Variants in PACRG observed in about 807,000 individuals in gnomAD.
PACRG encodes parkin coregulated gene protein.
In PACRG, 29 loss-of-function variants were observed where a neutral mutation model predicts 29.7. The ratio of observed to expected loss-of-function variants is 0.98; its 90% CI spans 0.73 to 1.33. The LOEUF is 1.33. Ranked by LOEUF, PACRG falls within the 40% of genes most tolerant of loss-of-function variation. The pLI is 0.00. For missense variants in PACRG, 279 were observed against 316.2 expected (o/e 0.88, Z 0.89); for synonymous variants, 116 against 118.7 (o/e 0.98, Z 0.15).
chr6:163,172,088 C>G (rs949966505), intron 4 of PACRG, among the ~76,000 whole-genome samples: 1 of 152,232 alleles, frequency 6.6e-6, no homozygotes, highest in Admixed American at 6.5e-5. Context: ...AAATATCTTT[C>G]ACTGTAATCC....
At chr6:163,249,739 T>C (rs1782831100) in intron 4 of PACRG, among the ~76,000 whole-genome samples, 1 of 152,146 alleles carries the variant, frequency 6.6e-6, no homozygotes, top group African/African-American at 2.4e-5. Context: ...GAAGTGTGAG[T>C]TTGCTTGGAT....
At chr6:163,268,174 G>C (rs1448248912) in intron 4 of PACRG, among the ~76,000 whole-genome samples, 1 of 152,110 alleles carries the variant, frequency 6.6e-6, no homozygotes, top group Admixed American at 6.6e-5. Context: ...GCCGAGGCGG[G>C]TGGATCACAA....
intron 1 of PACRG, among the ~76,000 whole-genome samples, chr6:162,742,090 T>C (rs1780645455): frequency 6.6e-6 from 1 of 152,164 alleles, no homozygotes; most frequent in Non-Finnish European, 1.5e-5. Flanking sequence ...TAAGTACCCT[T>C]CTACTCTTTG....
intron 4 of PACRG, among the ~76,000 whole-genome samples, chr6:163,097,371 C>T (rs976082792): frequency 2.6e-5 from 4 of 152,332 alleles, no homozygotes; most frequent in African/African-American, 9.6e-5. Flanking sequence ...CCCATTGTTT[C>T]TGGACCAGTG....
At chr6:163,298,794 C>G (rs1004557633) in intron 4 of PACRG, among the ~76,000 whole-genome samples, 1 of 152,204 alleles carries the variant, frequency 6.6e-6, no homozygotes, top group Non-Finnish European at 1.5e-5. Context: ...TCTCCGGTAA[C>G]AACGCATTCC....
intron 2 of PACRG, among the ~76,000 whole-genome samples, chr6:162,935,890 G>A (rs1798199929): frequency 6.6e-6 from 1 of 152,118 alleles, no homozygotes; most frequent in African/African-American, 2.4e-5. Context: ...ACTACTGGGA[G>A]CAAAATGAAA....
intron 4 of PACRG, among the ~76,000 whole-genome samples, chr6:163,293,072 AT>A (rs1479386817): frequency 1.3e-5 from 2 of 152,280 alleles, no homozygotes; most frequent in African/African-American, 4.8e-5. Flanking sequence ...ACCAGAAAAG[AT>A]TTTTCGTGAC....
At chr6:163,025,217 A>AT (rs1487523064) in intron 2 of PACRG, among the ~76,000 whole-genome samples, 1 of 152,216 alleles carries the variant, frequency 6.6e-6, no homozygotes, top group Non-Finnish European at 1.5e-5. Context: ...TCAACAGAGT[A>AT]TTGGAAGTCC....
chr6:162,930,407 T>C (rs1280344788), intron 2 of PACRG, among the ~76,000 whole-genome samples: 3 of 151,964 alleles, frequency 2.0e-5, no homozygotes, highest in African/African-American at 4.8e-5. Flanking sequence ...GCTTTTGACA[T>C]ATATAATTAT....
intron 2 of PACRG, among the ~76,000 whole-genome samples, chr6:163,004,880 C>T (rs1203290011): frequency 6.6e-6 from 1 of 151,976 alleles, no homozygotes; most frequent in Non-Finnish European, 1.5e-5. Context: ...TCTGATCCTA[C>T]CATTTACTAA....
At chr6:163,277,780 TG>T (rs1202050133) in intron 4 of PACRG, among the ~76,000 whole-genome samples, 7 of 151,918 alleles carry the variant, frequency 4.6e-5, no homozygotes, top group African/African-American at 1.7e-4. Flanking sequence ...AATTGTAAAT[TG>T]TGCTGCTATA....
chr6:162,738,247 T>C (rs571868371), intron 1 of PACRG, among the ~76,000 whole-genome samples: 17 of 152,174 alleles, frequency 1.1e-4, no homozygotes, highest in Non-Finnish European at 2.2e-4. Flanking sequence ...TGCAGAGATA[T>C]AGAGATAATA....
intron 4 of PACRG, among the ~76,000 whole-genome samples, chr6:163,160,287 A>G (rs1252928459): frequency 6.6e-6 from 1 of 152,226 alleles, no homozygotes; most frequent in Non-Finnish European, 1.5e-5. Context: ...TCTCTGAGTA[A>G]TAAAATCCAT....
intron 4 of PACRG, among the ~76,000 whole-genome samples, chr6:163,277,494 T>TATATATACAC (rs535727235): frequency 1.4e-5 from 1 of 73,440 alleles, no homozygotes; most frequent in Non-Finnish European, 2.8e-5. Context: ...TATATATATA[T>TATATATACAC]ACACACATAC....
intron 4 of PACRG, among the ~76,000 whole-genome samples, chr6:163,124,664 A>G (rs1248576339): frequency 1.3e-5 from 2 of 152,246 alleles, no homozygotes; most frequent in Non-Finnish European, 2.9e-5. Context: ...CAAGAACACC[A>G]GCTGGAGCAG....
At chr6:163,238,141 C>G (rs1388486613) in intron 4 of PACRG, among the ~76,000 whole-genome samples, 1 of 152,144 alleles carries the variant, frequency 6.6e-6, no homozygotes, top group Non-Finnish European at 1.5e-5. Context: ...ATGGTGTGGA[C>G]TAGCATCAGA....
At chr6:162,919,112 A>G (rs993752035) in intron 2 of PACRG, among the ~76,000 whole-genome samples, 59 of 152,176 alleles carry the variant, frequency 3.9e-4, no homozygotes, top group Admixed American at 2.9e-3. Flanking sequence ...ACCATTTGGG[A>G]TGAGCTTTCT....
At chr6:163,078,603 A>T (rs1812773886) in intron 3 of PACRG, among the ~76,000 whole-genome samples, 1 of 152,128 alleles carries the variant, frequency 6.6e-6, no homozygotes, top group Admixed American at 6.5e-5. Context: ...TATCATTGTC[A>T]TCATTATCAT....
intron 2 of PACRG, among the ~76,000 whole-genome samples, chr6:163,022,102 C>A (rs1172588094): frequency 6.6e-6 from 1 of 152,164 alleles, no homozygotes; most frequent in Non-Finnish European, 1.5e-5. Flanking sequence ...ACACCTGCTG[C>A]TGCCACAGTG....
Sources: allele counts gnomAD v4.1 joint callset (sites outside exome capture counted in the v4.1 genomes callset), GRCh38; gene constraint gnomAD v4.1.1; transcripts MANE v1.5; gene names NCBI Gene and HGNC (gene_info 2026-07-23, HGNC 2026-07-21).